Variants in SCP2 observed in about 807,000 individuals in gnomAD.
SCP2 encodes the protein sterol carrier protein 2, also known as SCP-2/3-oxoacyl-CoA thiolase.
SCP2 carries 48 observed loss-of-function variants against 71.4 expected under a neutral mutation model. The ratio of observed to expected loss-of-function variants is 0.67; its 90% confidence interval spans 0.53 to 0.86. The LOEUF (loss-of-function observed/expected upper bound fraction) is 0.86, where lower values mean the gene tolerates loss of function less well. Among genes scored for constraint, SCP2 ranks in the 40% least tolerant of loss-of-function variants. The pLI is 0.00. For synonymous variants in SCP2, 220 were observed against 218.1 expected (o/e 1.01, Z -0.08); for missense variants, 560 against 655.6 (o/e 0.85, Z 1.59).
rs569370803 is a variant in SCP2, at chr1:52,971,352, A to G, written c.524-3417A>G. On this transcript the variant is annotated intron_variant, in intron 6 of 15. Transcript: ENST00000371514. ...CTGTTACTGATGTGTTTTTAAGTGTATATATTTTCTCAAGTTTTACATTGC... is the reference window on the plus strand; with the variant it reads ...CTGTTACTGATGTGTTTTTAAGTGTGTATATTTTCTCAAGTTTTACATTGC... Among the ~76,000 whole-genome samples the G allele has an allele frequency of 2.0e-5, 3 of 152,280 alleles. No homozygotes were observed. The South Asian group carries it at 6.2e-4, about 32-fold the overall frequency.
chr1:52,977,599 C>A (rs1307263879), intron 8 of SCP2, among the ~76,000 whole-genome samples: 1 of 152,182 alleles, frequency 6.6e-6, no homozygotes, highest in Non-Finnish European at 1.5e-5. Context: ...TAGGAATAAC[C>A]TTTTGGACTT....
chr1:53,016,138 CTA>C (rs1292692840), intron 12 of SCP2, among the ~76,000 whole-genome samples: 3 of 152,064 alleles, frequency 2.0e-5, no homozygotes, highest in Non-Finnish European at 4.4e-5. Context: ...TTTATTGAGT[CTA>C]TGTTATTCTT....
chr1:52,964,832 G>A (rs1389168260), intron 6 of SCP2, among the ~76,000 whole-genome samples: 1 of 152,080 alleles, frequency 6.6e-6, no homozygotes, highest in Non-Finnish European at 1.5e-5. Context: ...GGCCAACATG[G>A]TGAAACCCCG....
At chr1:52,932,447 C>T (rs893693622) in intron 1 of SCP2, among the ~76,000 whole-genome samples, 2 of 152,158 alleles carry the variant, frequency 1.3e-5, no homozygotes, top group African/African-American at 4.8e-5. Flanking sequence ...ACTTCTTACA[C>T]ATCCCTACTC....
intron 13 of SCP2, among the ~76,000 whole-genome samples, chr1:53,029,962 C>T (rs150779185): frequency 0.037 from 5,679 of 152,004 alleles, 225 homozygotes; most frequent in East Asian, 0.21. Flanking sequence ...GATCTTGGCT[C>T]ACTGCAACCT....
intron 11 of SCP2, 25 bp from the exon 12 acceptor site, chr1:53,014,865 C>A: frequency 6.2e-7 from 1 of 1,611,578 alleles, no homozygotes; most frequent in South Asian, 1.1e-5. Context: ...GGAAGCAGCT[C>A]AGTGCTCTGT....
chr1:52,941,352 G>C (rs896348115), intron 1 of SCP2, among the ~76,000 whole-genome samples: 1 of 152,086 alleles, frequency 6.6e-6, no homozygotes. Flanking sequence ...TGAGGGCAAG[G>C]ATTTTATATT....
At chr1:52,960,490 G>A (rs1318192249) in intron 5 of SCP2, among the ~76,000 whole-genome samples, 2 of 131,550 alleles carry the variant, frequency 1.5e-5, no homozygotes, top group Non-Finnish European at 3.1e-5. Context: ...ATGTGTGTGT[G>A]TGTGTGTGTG....
chr1:53,017,936 C>T (rs1661448765), intron 12 of SCP2, among the ~76,000 whole-genome samples: 1 of 152,152 alleles, frequency 6.6e-6, no homozygotes, highest in Non-Finnish European at 1.5e-5. Context: ...CTCACTGCAA[C>T]CTCCGCCTCC....
intron 2 of SCP2, among the ~76,000 whole-genome samples, chr1:52,944,276 T>C (rs1654563910): frequency 6.6e-6 from 1 of 152,236 alleles, no homozygotes; most frequent in Non-Finnish European, 1.5e-5. Flanking sequence ...AGTAATATTA[T>C]GGGGAAATCC....
At chr1:52,944,515 G>A (rs924642371) in intron 2 of SCP2, among the ~76,000 whole-genome samples, 2 of 152,124 alleles carry the variant, frequency 1.3e-5, no homozygotes. Context: ...GTTGTTAAAT[G>A]TTCTCCTCTC....
chr1:52,970,215 T>C (rs1425374019), intron 6 of SCP2, among the ~76,000 whole-genome samples: 1 of 152,190 alleles, frequency 6.6e-6, no homozygotes, highest in Non-Finnish European at 1.5e-5. Context: ...GTGTGTTGTT[T>C]GTAGACTGAG....
intron 12 of SCP2, among the ~76,000 whole-genome samples, chr1:53,021,174 T>C (rs1661693823): frequency 6.6e-6 from 1 of 152,002 alleles, no homozygotes; most frequent in Admixed American, 6.6e-5. Context: ...GCCCAGCTAA[T>C]TTTTGTATTT....
intron 1 of SCP2, among the ~76,000 whole-genome samples, chr1:52,927,687 A>C (rs1652589617): frequency 6.6e-6 from 1 of 152,046 alleles, no homozygotes; most frequent in African/African-American, 2.4e-5. Context: ...GTCAGAGTTC[A>C]TGAAGCAGCC....
rs114203997 is a variant in SCP2 at position 52,928,866 on chromosome 1, C to T, written c.69+1401C>T. The T allele has an allele frequency of 2.8e-3, 436 of 154,534 alleles. 4 individuals are homozygous for T. Among genetic ancestry groups the T allele is most frequent in the African/African-American group, 9.9e-3 (411 of 41,652 alleles). The allele number at this position is 154,534 out of a possible 1,614,324, so 9.6% of individuals were successfully genotyped here. ...TCCTAGTGTTTCACAGAAGGGGAGGCTTCTAACACAGGTGGACAGTAGGAT... is the reference window on the plus strand; with the variant it reads ...TCCTAGTGTTTCACAGAAGGGGAGGTTTCTAACACAGGTGGACAGTAGGAT... On this transcript the variant is annotated intron_variant, in intron 1 of 15. Transcript: ENST00000371514.
At chr1:53,050,340 T>C in intron 15 of SCP2, 3 of 409,524 alleles carry the variant, frequency 7.3e-6, no homozygotes, top group Non-Finnish European at 1.4e-5. Flanking sequence ...TGAACCCACT[T>C]TGAGGAGGAC....
intron 5 of SCP2, among the ~76,000 whole-genome samples, chr1:52,955,739 T>G (rs1332012837): frequency 6.6e-6 from 1 of 152,056 alleles, no homozygotes; most frequent in African/African-American, 2.4e-5. Flanking sequence ...TTGAGAACCC[T>G]TCAAATAAAA....
At chr1:52,966,832 G>T (rs1657008294) in intron 6 of SCP2, among the ~76,000 whole-genome samples, 1 of 152,028 alleles carries the variant, frequency 6.6e-6, no homozygotes, top group South Asian at 2.1e-4. Context: ...GGTGGAGGTT[G>T]CAGTGAGCCG....
At chr1:53,016,737 G>A (rs761787499) in intron 12 of SCP2, among the ~76,000 whole-genome samples, 1 of 152,202 alleles carries the variant, frequency 6.6e-6, no homozygotes, top group Non-Finnish European at 1.5e-5. Context: ...GAGGGACAAA[G>A]TGGGATTATG....
Sources: allele counts gnomAD v4.1 joint callset (sites outside exome capture counted in the v4.1 genomes callset), GRCh38; gene constraint gnomAD v4.1.1; transcripts MANE v1.5; gene names NCBI Gene and HGNC (gene_info 2026-07-23, HGNC 2026-07-21).